The following XRCC4 variants were observed in gnomAD, a reference collection of about 807,000 sequenced individuals.
XRCC4 encodes DNA repair protein XRCC4.
In XRCC4, 28 loss-of-function variants were observed where a neutral mutation model predicts 39.1. That is an observed-to-expected ratio of 0.72 (90% CI 0.53 to 0.98). The LOEUF (loss-of-function observed/expected upper bound fraction) is 0.98. Ranked by LOEUF, XRCC4 falls within the 50% of genes least tolerant of loss-of-function variation. The pLI is 0.00. For missense variants in XRCC4, 350 were observed against 376.4 expected (o/e 0.93, Z 0.58); for synonymous variants, 123 against 126.4 (o/e 0.97, Z 0.18).
rs961420810 is a variant in XRCC4 at position 83,137,621 on chromosome 5, G to A, written c.315+26418G>A. ...CTACCTGGATTTGAATCTCAGCACT[G>A]CACCTTTCAAGGTGTGAGATTTTGG... On this transcript the variant is annotated intron_variant, in intron 3 of 7. Transcript: ENST00000396027. Among the ~76,000 whole-genome samples the A allele has an allele frequency of 3.3e-5, 5 of 152,156 alleles. No homozygotes were observed. The South Asian group carries it at 1.0e-3, about 31-fold the overall frequency.
downstream of XRCC4, chr5:83,356,644 CAG>C: frequency 2.4e-6 from 1 of 415,872 alleles, no homozygotes; most frequent in Non-Finnish European, 4.7e-6. Flanking sequence ...CTTATATAGA[CAG>C]AGATCTACAG....
chr5:83,315,130 C>T (rs1489081322), intron 7 of XRCC4, among the ~76,000 whole-genome samples: 1 of 152,102 alleles, frequency 6.6e-6, no homozygotes, highest in Non-Finnish European at 1.5e-5. Flanking sequence ...GTAACACAGC[C>T]TTATTGCTGA....
chr5:83,222,697 T>TA (rs1192441589), intron 6 of XRCC4, among the ~76,000 whole-genome samples: 4 of 152,154 alleles, frequency 2.6e-5, no homozygotes, highest in Non-Finnish European at 4.4e-5. Flanking sequence ...AAAATATATT[T>TA]GATACAATTT....
intron 3 of XRCC4, among the ~76,000 whole-genome samples, chr5:83,172,830 C>G (rs948679927): frequency 6.6e-6 from 1 of 152,112 alleles, no homozygotes; most frequent in African/African-American, 2.4e-5. Context: ...TCTTTCCTCT[C>G]TGTTAAATTG....
chr5:83,338,170 T>C (rs1756649276), intron 7 of XRCC4, among the ~76,000 whole-genome samples: 2 of 152,192 alleles, frequency 1.3e-5, no homozygotes, highest in African/African-American at 4.8e-5. Context: ...TTTTTTGTTA[T>C]GCCAAGGAAA....
intron 3 of XRCC4, among the ~76,000 whole-genome samples, chr5:83,167,078 C>T (rs1474138363): frequency 6.6e-6 from 1 of 151,940 alleles, no homozygotes; most frequent in Non-Finnish European, 1.5e-5. Context: ...GATGGTATTT[C>T]GCCATGTTTG....
intron 3 of XRCC4, among the ~76,000 whole-genome samples, chr5:83,183,302 T>A (rs1191278348): frequency 6.6e-6 from 1 of 152,070 alleles, no homozygotes; most frequent in Non-Finnish European, 1.5e-5. Context: ...AATTTATACA[T>A]TTTTTTCTTT....
the XRCC4 span, among the ~76,000 whole-genome samples, chr5:83,366,307 G>A: frequency 6.6e-6 from 1 of 152,050 alleles, no homozygotes; most frequent in African/African-American, 2.4e-5. Context: ...GATCCCCTAC[G>A]CTGTGGTGTT....
At chr5:83,147,319 A>T (rs1325364258) in intron 3 of XRCC4, among the ~76,000 whole-genome samples, 2 of 152,144 alleles carry the variant, frequency 1.3e-5, no homozygotes, top group African/African-American at 4.8e-5. Context: ...CCATCAGTAG[A>T]TGAATGGAGA....
At chr5:83,345,966 CTGTG>C (rs933468411) in intron 7 of XRCC4, among the ~76,000 whole-genome samples, 1 of 151,450 alleles carries the variant, frequency 6.6e-6, no homozygotes, top group Non-Finnish European at 1.5e-5. Flanking sequence ...ATGTGTGTGC[CTGTG>C]TGTGTGTGTT....
chr5:83,140,305 A>C (rs1748104359), intron 3 of XRCC4, among the ~76,000 whole-genome samples: 1 of 152,180 alleles, frequency 6.6e-6, no homozygotes, highest in Admixed American at 6.5e-5. Context: ...GATCCCCCGC[A>C]AACCACCGAT....
intron 6 of XRCC4, among the ~76,000 whole-genome samples, chr5:83,228,415 G>T (rs773494999): frequency 8.6e-5 from 13 of 151,926 alleles, no homozygotes; most frequent in African/African-American, 1.4e-4. Flanking sequence ...GGTCCCACTT[G>T]TGTAAAGGTT....
chr5:83,344,415 C>CTTTTTTTTTTTTTTTT (rs70973394), intron 7 of XRCC4, among the ~76,000 whole-genome samples: 1 of 115,242 alleles, frequency 8.7e-6, no homozygotes, highest in Non-Finnish European at 1.7e-5. Context: ...TTATTTTTCA[C>CTTTTTTTTTTTTTTTT]TTTTTTTTTT....
At chr5:83,264,547 G>T (rs1485271212) in intron 7 of XRCC4, among the ~76,000 whole-genome samples, 1 of 151,882 alleles carries the variant, frequency 6.6e-6, no homozygotes, top group African/African-American at 2.4e-5. Context: ...AGCAGTTCAT[G>T]CTCATTCCAG....
intron 3 of XRCC4, among the ~76,000 whole-genome samples, chr5:83,135,529 T>C (rs987076697): frequency 2.0e-5 from 3 of 152,100 alleles, no homozygotes; most frequent in Non-Finnish European, 4.4e-5. Context: ...TTTTCTATTT[T>C]CTTTTCTCGT....
intron 6 of XRCC4, 48 bp from the exon 7 acceptor site, chr5:83,258,482 G>A (rs772262486): frequency 6.3e-7 from 1 of 1,581,464 alleles, no homozygotes; most frequent in South Asian, 1.2e-5. Flanking sequence ...ACTTACAAAT[G>A]ATGTGCATAA....
chr5:83,193,698 C>A (rs1158436541), intron 3 of XRCC4, among the ~76,000 whole-genome samples: 1 of 152,092 alleles, frequency 6.6e-6, no homozygotes, highest in East Asian at 1.9e-4. Context: ...ATCCTTTTGG[C>A]ATTTTGAAAC....
chr5:83,313,805 C>T (rs1288550643), intron 7 of XRCC4, among the ~76,000 whole-genome samples: 2 of 152,112 alleles, frequency 1.3e-5, no homozygotes, highest in Non-Finnish European at 2.9e-5. Flanking sequence ...GTAACCCCAT[C>T]CCACTCCTAA....
At chr5:83,245,181 A>AT (rs1753055476) in intron 6 of XRCC4, among the ~76,000 whole-genome samples, 1 of 151,770 alleles carries the variant, frequency 6.6e-6, no homozygotes, top group African/African-American at 2.4e-5. Context: ...CAAAATCAAC[A>AT]TTTTTCTGTA....
Sources: allele counts gnomAD v4.1 joint callset (sites outside exome capture counted in the v4.1 genomes callset), GRCh38; gene constraint gnomAD v4.1.1; transcripts MANE v1.5; gene names NCBI Gene and HGNC (gene_info 2026-07-23, HGNC 2026-07-21).